MAP3K7CL: variants seen among roughly 807,000 people sequenced by gnomAD.
MAP3K7CL encodes MAP3K7 C-terminal like, also known as MAP3K7 C-terminal-like protein.
MAP3K7CL carries 16 observed loss-of-function variants against 18.6 expected under a neutral mutation model. That is an observed-to-expected ratio of 0.86 (90% CI 0.58 to 1.31). The LOEUF (loss-of-function observed/expected upper bound fraction) is 1.31, where lower values mean the gene tolerates loss of function less well. Ranked by LOEUF, MAP3K7CL falls within the 50% of genes most tolerant of loss-of-function variation. The pLI is 0.00. For synonymous variants in MAP3K7CL, 65 were observed against 66.8 expected (o/e 0.97, Z 0.13); for missense variants, 163 against 174.4 (o/e 0.93, Z 0.37).
upstream of MAP3K7CL, chr21:29,128,058 C>T (rs1033696838): frequency 2.6e-5 from 4 of 152,300 alleles, no homozygotes; most frequent in African/African-American, 9.6e-5. Flanking sequence ...ATGTCAGTGT[C>T]ACCACCAGCT....
At chr21:29,099,763 T>A (rs1454452371) in intron 4 of MAP3K7CL, among the ~76,000 whole-genome samples, 2 of 152,102 alleles carry the variant, frequency 1.3e-5, no homozygotes, top group African/African-American at 4.8e-5. Context: ...CAGATCTCTA[T>A]CTTCCTGTGA....
At position 29,149,263 on chromosome 21, in the gene MAP3K7CL, C is replaced by A. The variant is rs748208449; in HGVS notation, c.132+13C>A. 2.5e-6 allele frequency: 4 copies of A among 1,611,634 alleles called. No individual in the cohort carries two copies. The highest frequency in any genetic ancestry group is 3.4e-6 in the Non-Finnish European group (4 of 1,177,842). On this transcript the variant is annotated intron_variant, in intron 3 of 4. Transcript: ENST00000399928. ...CCAGCAGCTACAGGTAAGGATTTTT[C>A]TAAAGTCTCTCTTCTTTCCTCCTTA...
At position 29,148,227 on chromosome 21, in the gene MAP3K7CL, A is replaced by T. The variant is rs923699880; in HGVS notation, c.71-962A>T. Reference sequence around the variant, plus strand: ...TGTACTGTATCTCTATTATATATGTATGTGTAGGTATACTGTATGTGTACT... The same window carrying T: ...TGTACTGTATCTCTATTATATATGTTTGTGTAGGTATACTGTATGTGTACT... On this transcript the variant is annotated intron_variant, in intron 2 of 4. Transcript: ENST00000399928. 5.3e-5 allele frequency among the ~76,000 whole-genome samples: 8 copies of T among 152,010 alleles called. No homozygotes were observed. In the East Asian group the frequency reaches 1.5e-3, roughly 29 times the overall value.
chr21:29,127,166 A>G (rs574038544), upstream of MAP3K7CL, among the ~76,000 whole-genome samples: 68 of 152,338 alleles, frequency 4.5e-4, no homozygotes, highest in Non-Finnish European at 8.5e-4. Context: ...ACAATAGTCT[A>G]TGGTAGGAGT....
rs182630630 is a variant in MAP3K7CL, at chr21:29,167,762, C to T, written c.249-6950C>T. On this transcript the variant is annotated intron_variant, in intron 4 of 4. Coordinates refer to ENST00000399928, the MANE Select transcript of MAP3K7CL (RefSeq NM_001286620.2). ...TCACCCAGGCTGGAATGCAGTGGCG[C>T]GATCTCGGCTCACTGCAAGCTCCAT... Among the ~76,000 whole-genome samples, 467 of 144,034 alleles carry T rather than the reference C, an allele frequency of 3.2e-3. 4 individuals are homozygous for T. The highest frequency in any genetic ancestry group is 6.0e-3 in the Non-Finnish European group (401 of 66,966). 94.5% of individuals were successfully genotyped at this position (144,034 alleles called of 152,430 possible).
intron 4 of MAP3K7CL, among the ~76,000 whole-genome samples, chr21:29,108,021 T>G (rs1437379813): frequency 6.6e-6 from 1 of 152,232 alleles, no homozygotes; most frequent in African/African-American, 2.4e-5. Context: ...TAAATGGGAT[T>G]AGTTATTTTC....
intron 1 of MAP3K7CL, among the ~76,000 whole-genome samples, chr21:29,089,579 C>T (rs2832163): frequency 0.87 from 132,213 of 152,178 alleles, 57,614 homozygotes; most frequent in South Asian, 0.94. Flanking sequence ...CACCATTAAG[C>T]TTGTGGCTGG....
chr21:29,157,374 C>T (rs2087432762), intron 3 of MAP3K7CL, among the ~76,000 whole-genome samples: 1 of 152,092 alleles, frequency 6.6e-6, no homozygotes, highest in Admixed American at 6.5e-5. Flanking sequence ...AAATAGAAAT[C>T]TATATTGCTC....
At chr21:29,160,803 G>C (rs531483710) in intron 4 of MAP3K7CL, among the ~76,000 whole-genome samples, 2 of 152,334 alleles carry the variant, frequency 1.3e-5, no homozygotes, top group African/African-American at 4.8e-5. Context: ...TAGGTGGTAA[G>C]TGCCATAAAA....
intron 2 of MAP3K7CL, 149 bp from the exon 3 acceptor site, chr21:29,149,040 C>A: frequency 1.4e-6 from 1 of 690,170 alleles, no homozygotes; most frequent in Non-Finnish European, 2.5e-6. Flanking sequence ...AGAAAATGAG[C>A]AAAATTGTCC....
chr21:29,143,115 T>A (rs768120709), intron 2 of MAP3K7CL, among the ~76,000 whole-genome samples: 3 of 152,204 alleles, frequency 2.0e-5, no homozygotes, highest in Non-Finnish European at 4.4e-5. Context: ...AGAATCAACT[T>A]CATAATTTGC....
At chr21:29,134,751 C>T (rs2086846986) in intron 2 of MAP3K7CL, among the ~76,000 whole-genome samples, 1 of 151,946 alleles carries the variant, frequency 6.6e-6, no homozygotes, top group Non-Finnish European at 1.5e-5. Flanking sequence ...TATCTCTGAT[C>T]CTTAAGACAA....
intron 2 of MAP3K7CL, among the ~76,000 whole-genome samples, chr21:29,135,846 C>T (rs1478786252): frequency 2.6e-5 from 4 of 152,128 alleles, no homozygotes; most frequent in Non-Finnish European, 5.9e-5. Flanking sequence ...TTCCTACCCT[C>T]TAGCCCCACC....
chr21:29,109,147 T>C, intron 4 of MAP3K7CL: 2 of 1,535,428 alleles, frequency 1.3e-6, no homozygotes, highest in Non-Finnish European at 8.7e-7. Context: ...TGTTTCTTCC[T>C]CTTCCCTAAC....
rs73897290 is a variant in MAP3K7CL at position 29,175,202 on chromosome 21, A to G, written c.*310A>G. 4,653 of 188,218 alleles carry G rather than the reference A, an allele frequency of 0.025. 235 individuals are homozygous for G. The highest frequency in any genetic ancestry group is 0.1 in the African/African-American group (4,309 of 42,640). The allele number at this position is 188,218 out of a possible 1,614,324, so 11.7% of individuals were successfully genotyped here. A position where few individuals can be genotyped will look rare whatever the true frequency, so the allele number is the denominator to read the frequency against. ...TACAACAGGGTAGAAAATGATAAAA[A>G]TAGACTATTGACTGACCCAGCTAAG... On this transcript the variant is annotated 3_prime_UTR_variant, in exon 5 of 5. Coordinates refer to ENST00000399928, the MANE Select transcript of MAP3K7CL (RefSeq NM_001286620.2).
At chr21:29,102,880 A>G (rs2086257975) in intron 4 of MAP3K7CL, among the ~76,000 whole-genome samples, 1 of 152,180 alleles carries the variant, frequency 6.6e-6, no homozygotes, top group Admixed American at 6.5e-5. Flanking sequence ...TGAGGAACTC[A>G]GGTCTCCTGC....
intron 2 of MAP3K7CL, among the ~76,000 whole-genome samples, chr21:29,141,499 C>A (rs963950099): frequency 6.8e-6 from 1 of 146,576 alleles, no homozygotes; most frequent in Non-Finnish European, 1.5e-5. Context: ...GGTGACACAG[C>A]GAGACTCCAT....
At chr21:29,144,368 T>A (rs2087078867) in intron 2 of MAP3K7CL, among the ~76,000 whole-genome samples, 1 of 152,208 alleles carries the variant, frequency 6.6e-6, no homozygotes, top group African/African-American at 2.4e-5. Flanking sequence ...TTTCACCATG[T>A]TGGCCAGGCT....
At chr21:29,090,048 T>C (rs1342056720) in intron 1 of MAP3K7CL, among the ~76,000 whole-genome samples, 1 of 152,236 alleles carries the variant, frequency 6.6e-6, no homozygotes, top group Non-Finnish European at 1.5e-5. Context: ...ATTTTCACCA[T>C]TATTGAATCA....
Sources: gnomAD v4.1 joint callset for allele counts (sites outside exome capture counted in the v4.1 genomes callset) on GRCh38, gnomAD v4.1.1 for gene constraint, MANE v1.5 for transcripts, NCBI Gene and HGNC (gene_info 2026-07-23, HGNC 2026-07-21) for gene names.